SLC41A3: variants seen among roughly 807,000 people sequenced by gnomAD.
The protein encoded by SLC41A3 is solute carrier family 41 member 3.
SLC41A3 carries 44 observed loss-of-function variants against 45.4 expected under a neutral mutation model. That is an observed-to-expected ratio of 0.97 (90% CI 0.76 to 1.25). The LOEUF (loss-of-function observed/expected upper bound fraction) is 1.25. Ranked by LOEUF, SLC41A3 falls within the 50% of genes most tolerant of loss-of-function variation. The pLI is 0.00. For synonymous variants in SLC41A3, 256 were observed against 252.4 expected (o/e 1.01, Z -0.13); for missense variants, 550 against 600.6 (o/e 0.92, Z 0.88).
intron 1 of SLC41A3, among the ~76,000 whole-genome samples, chr3:126,072,196 T>G (rs72981572): frequency 1.7e-3 from 258 of 152,186 alleles, no homozygotes; most frequent in African/African-American, 6.1e-3. Flanking sequence ...GTTAATGTAG[T>G]GCTTAGAGGG....
chr3:126,011,113 C>T (rs928419683), intron 9 of SLC41A3, among the ~76,000 whole-genome samples: 1 of 152,220 alleles, frequency 6.6e-6, no homozygotes, highest in Non-Finnish European at 1.5e-5. Context: ...ACGTCAGCAT[C>T]ACCTGAAAGC....
At chr3:126,089,210 G>A (rs1052103394), upstream of SLC41A3, among the ~76,000 whole-genome samples, 2 of 152,120 alleles carry the variant, frequency 1.3e-5, no homozygotes, top group African/African-American at 4.8e-5. Context: ...GAATCATAAC[G>A]ACTGCTTGAG....
chr3:126,099,833 A>G (rs980817704), intron 1 of SLC41A3, among the ~76,000 whole-genome samples: 1 of 152,228 alleles, frequency 6.6e-6, no homozygotes, highest in Non-Finnish European at 1.5e-5. Flanking sequence ...AGAGTCTGTC[A>G]CTGTGGCCAT....
intron 8 of SLC41A3, among the ~76,000 whole-genome samples, chr3:126,014,513 C>T (rs1940066613): frequency 6.6e-6 from 1 of 152,198 alleles, no homozygotes; most frequent in Admixed American, 6.5e-5. Context: ...CTGAAGGCAT[C>T]CGAGTTGGTG....
In SLC41A3 at chr3:126,006,567, G is replaced by C. The variant is rs2093990483; in HGVS notation, c.*449C>G. ...AGTGTGGCCCACGGAGCTTGAACCT[G>C]GTGAAGACAGCAAGTAAGCCACAGC... On this transcript the variant is annotated 3_prime_UTR_variant, in exon 11 of 11. Coordinates refer to ENST00000360370, the MANE Select transcript of SLC41A3 (RefSeq NM_017836.4). The C allele has an allele frequency of 6.3e-7, 1 of 1,592,590 alleles. No homozygotes were observed. The highest frequency in any genetic ancestry group is 1.2e-5 in the South Asian group (1 of 86,550).
intron 1 of SLC41A3, among the ~76,000 whole-genome samples, chr3:126,077,237 A>C (rs1055647230): frequency 6.6e-6 from 1 of 152,008 alleles, no homozygotes; most frequent in Non-Finnish European, 1.5e-5. Flanking sequence ...AAAATTAGCC[A>C]GGTGTGGTGA....
intron 2 of SLC41A3, among the ~76,000 whole-genome samples, chr3:126,062,895 T>C (rs1027709036): frequency 1.3e-5 from 2 of 152,128 alleles, no homozygotes; most frequent in Admixed American, 1.3e-4. Flanking sequence ...CAGCAGTTAC[T>C]CTTATTAGTG....
intron 3 of SLC41A3, among the ~76,000 whole-genome samples, chr3:126,041,552 T>G (rs1407236812): frequency 6.6e-6 from 1 of 152,204 alleles, no homozygotes; most frequent in Non-Finnish European, 1.5e-5. Flanking sequence ...ACTGAAAGTA[T>G]AACTTCAGTA....
At chr3:126,059,295 AAAGAAAGAAAGAAAGGAAG>A (rs1559869963) in intron 2 of SLC41A3, among the ~76,000 whole-genome samples, 62 of 127,632 alleles carry the variant, frequency 4.9e-4, no homozygotes, top group African/African-American at 1.3e-3. Flanking sequence ...AGAAAGAAAG[AAAGAAAGAAAGAAAGGAAG>A]GATGATCTGT....
At position 126,043,411 on chromosome 3, in the gene SLC41A3, G is replaced by A. The variant is rs564449411; in HGVS notation, c.381+7532C>T. Among the ~76,000 whole-genome samples, 318 of 152,140 alleles carry A rather than the reference G, an allele frequency of 2.1e-3. 1 individual carries two copies. The highest frequency in any genetic ancestry group is 7.3e-3 in the African/African-American group (302 of 41,506). On this transcript the variant is annotated intron_variant, in intron 3 of 10. Coordinates refer to ENST00000360370, the MANE Select transcript of SLC41A3 (RefSeq NM_017836.4). ...AATGGTAAAGAGAGTCATTCAAGTTGAAATGAAAGAATGCCAGACAGGAAC... is the reference window on the plus strand; with the variant it reads ...AATGGTAAAGAGAGTCATTCAAGTTAAAATGAAAGAATGCCAGACAGGAAC...
Position 126,026,622 on chromosome 3 carries a change from C to T in SLC41A3, c.454-143G>A. On this transcript the variant is annotated intron_variant, in intron 4 of 10. Coordinates refer to ENST00000360370, the MANE Select transcript of SLC41A3 (RefSeq NM_017836.4). The surrounding 1 kb of genome is among the most constrained non-coding windows in gnomAD (Gnocchi z 4.2). ...CTTACCCTAAAATCTCACAGGCCCT[C>T]ACCCCAGGAAAAACTAATACCACAC... 8.6e-7 allele frequency: 1 copy of T among 1,156,224 alleles called. No homozygotes were observed. 71.6% of individuals were successfully genotyped at this position (1,156,224 alleles called of 1,614,324 possible). A position where few individuals can be genotyped will look rare whatever the true frequency, so the allele number is the denominator to read the frequency against.
At chr3:126,092,353 C>G (rs1419702024) in intron 1 of SLC41A3, among the ~76,000 whole-genome samples, 2 of 152,250 alleles carry the variant, frequency 1.3e-5, no homozygotes, top group African/African-American at 2.4e-5. Flanking sequence ...ACTAGCCAGA[C>G]CTACCCCTTT....
intron 4 of SLC41A3, among the ~76,000 whole-genome samples, chr3:126,027,807 G>A (rs141755661): frequency 5.9e-5 from 9 of 152,270 alleles, no homozygotes; most frequent in East Asian, 3.9e-4. Context: ...GGATCTTTTC[G>A]GAAACTGGAG....
chr3:126,061,279 G>C (rs916231313), intron 2 of SLC41A3, among the ~76,000 whole-genome samples: 1 of 152,126 alleles, frequency 6.6e-6, no homozygotes, highest in Non-Finnish European at 1.5e-5. Context: ...TTTATTTTCT[G>C]CTTCTGATCT....
chr3:126,053,342 T>C (rs1177541045), intron 2 of SLC41A3, among the ~76,000 whole-genome samples: 2 of 152,308 alleles, frequency 1.3e-5, no homozygotes, highest in Admixed American at 6.5e-5. Flanking sequence ...AAACCAACCC[T>C]GCCAACACTT....
At chr3:126,066,255 C>A (rs1944341171) in intron 2 of SLC41A3, among the ~76,000 whole-genome samples, 1 of 152,350 alleles carries the variant, frequency 6.6e-6, no homozygotes, top group African/African-American at 2.4e-5. Context: ...CTGAGGCTCG[C>A]AGTCCAGTAT....
chr3:126,050,921 G>C (rs374123971), intron 3 of SLC41A3, 22 bp downstream of exon 3: 77 of 1,603,072 alleles, frequency 4.8e-5, no homozygotes, highest in Non-Finnish European at 6.1e-5. Flanking sequence ...TGGCCGCCTC[G>C]AATGTCCAGG....
At chr3:126,076,329 A>C (rs149327611) in intron 1 of SLC41A3, among the ~76,000 whole-genome samples, 1 of 152,348 alleles carries the variant, frequency 6.6e-6, no homozygotes, top group East Asian at 1.9e-4. Flanking sequence ...TTGTTACATG[A>C]ATCAGTACTT....
intron 4 of SLC41A3, 120 bp downstream of exon 4, chr3:126,033,487 C>T (rs1941953974): frequency 9.3e-7 from 1 of 1,069,752 alleles, no homozygotes; most frequent in Non-Finnish European, 1.4e-6. Context: ...CAGGTAGCTA[C>T]CTGTTCTCAA....
Sources: allele counts gnomAD v4.1 joint callset (sites outside exome capture counted in the v4.1 genomes callset), GRCh38; gene constraint gnomAD v4.1.1; non-coding constraint Gnocchi (gnomAD v3.1); transcripts MANE v1.5; gene names NCBI Gene and HGNC (gene_info 2026-07-23, HGNC 2026-07-21).